PADI2: variants seen among roughly 807,000 people sequenced by gnomAD.
PADI2 encodes peptidyl arginine deiminase 2.
Under a neutral mutation model 81.1 loss-of-function variants are expected in PADI2, and 70 were observed. That is an observed-to-expected ratio of 0.86 (90% CI 0.71 to 1.05). The LOEUF (loss-of-function observed/expected upper bound fraction) is 1.05. Among genes scored for constraint, PADI2 ranks in the 50% least tolerant of loss-of-function variants. The probability of loss-of-function intolerance (pLI) is 0.00; values close to 1 mark genes in which losing one functional copy is unlikely to be tolerated. For synonymous variants in PADI2, 338 were observed against 358.0 expected (o/e 0.94, Z 0.63); for missense variants, 853 against 889.9 (o/e 0.96, Z 0.53).
At chr1:17,086,795 G>T (rs1307761258) in intron 6 of PADI2, 96 bp from the exon 7 acceptor site, 6 of 1,008,942 alleles carry the variant, frequency 5.9e-6, no homozygotes, top group Non-Finnish European at 9.0e-6. Flanking sequence ...AAAGTAACTT[G>T]TCCTCTAGAC....
intron 9 of PADI2, 28 bp from the exon 10 acceptor site, chr1:17,082,680 G>C (rs1449507221): frequency 7.2e-7 from 1 of 1,385,066 alleles, no homozygotes; most frequent in East Asian, 2.3e-5. Flanking sequence ...AGAACTGTTA[G>C]ACGAATCCAG....
chr1:17,091,503 C>T (rs917159357), intron 6 of PADI2, among the ~76,000 whole-genome samples: 1 of 152,126 alleles, frequency 6.6e-6, no homozygotes, highest in African/African-American at 2.4e-5. Flanking sequence ...GCCGAGCTGA[C>T]TGACCTTGAC....
Position 17,071,455 on chromosome 1 carries a change from T to C in PADI2, c.1586A>G (p.Asn529Ser). ...GGMSSKRITINKILSNESLVQ... is the reference protein window; with the variant it reads ...GGMSSKRITISKILSNESLVQ... ...AAGGCTCTCGTTGGACAGAATCTTG[T>C]TGATGGTGATTCGCTTGCTGCTCAT... Residue 529 changes from asparagine to serine, a missense_variant, in exon 14 of 16, where the codon AAC (asparagine) becomes AGC (serine). Coordinates refer to ENST00000375486, the MANE Select transcript of PADI2 (RefSeq NM_007365.3). The C allele has an allele frequency of 1.2e-6, 2 of 1,614,168 alleles. No homozygotes were observed. Among genetic ancestry groups the C allele is most frequent in the Non-Finnish European group, 1.7e-6 (2 of 1,179,982 alleles).
At chr1:17,092,201 G>A (rs1930721130) in intron 6 of PADI2, among the ~76,000 whole-genome samples, 2 of 152,092 alleles carry the variant, frequency 1.3e-5, no homozygotes, top group Admixed American at 1.3e-4. Flanking sequence ...ATAGACCCAT[G>A]TCACTCCAGA....
At chr1:17,107,981 C>T (rs1365973789) in intron 1 of PADI2, among the ~76,000 whole-genome samples, 4 of 149,020 alleles carry the variant, frequency 2.7e-5, no homozygotes, top group Non-Finnish European at 3.0e-5. Context: ...AGGAGTCTCT[C>T]TCTGTCACTC....
In PADI2 at chr1:17,082,620, G is replaced by A; in HGVS notation, c.1083C>T (p.Pro361=). The A allele has an allele frequency of 6.2e-7, 1 of 1,610,722 alleles. No individual in the cohort carries two copies. The highest frequency in any genetic ancestry group is 8.5e-7 in the Non-Finnish European group (1 of 1,178,708). Residue 361 remains proline (P), a synonymous_variant, in exon 10 of 16, where the codon CCC becomes CCT. Coordinates refer to ENST00000375486, the MANE Select transcript of PADI2 (RefSeq NM_007365.3). ...DEIEFGYIEA[P]HKGFPVVLDS... is the part of the protein sequence containing the mutation. Reference sequence around the variant, plus strand: ...CCAGCACCACGGGGAAGCCTTTATGGGGGGCCTCGATGTAGCCAAACTCAA... The same window carrying A: ...CCAGCACCACGGGGAAGCCTTTATGAGGGGCCTCGATGTAGCCAAACTCAA...
At position 17,075,722 on chromosome 1, in the gene PADI2, T is replaced by G; in HGVS notation, c.1412A>C (p.His471Pro). The G allele has an allele frequency of 6.2e-7, 1 of 1,614,076 alleles. No homozygotes were observed. ...ELYSDWLTVG[H>P]VDEFMSFVPI... ...GACAAAGGACATGAACTCATCCACGTGGCCCACAGTCAGCCAGTCTGAGTA... is the reference window on the plus strand; with the variant it reads ...GACAAAGGACATGAACTCATCCACGGGGCCCACAGTCAGCCAGTCTGAGTA... Residue 471 changes from histidine (H) to proline (P), a missense_variant, in exon 12 of 16, where the codon CAC (histidine) becomes CCC (proline). Physicochemically the swap from His to Pro is moderately conservative, Grantham distance 77. Coordinates refer to ENST00000375486, the MANE Select transcript of PADI2 (RefSeq NM_007365.3).
Position 17,104,991 on chromosome 1 carries a change from C to T in PADI2, c.163G>A (p.Asp55Asn). 1 of 1,610,302 alleles carries T rather than the reference C, an allele frequency of 6.2e-7. No individual in the cohort carries two copies. Among genetic ancestry groups the T allele is most frequent in the East Asian group, 2.2e-5 (1 of 44,702 alleles). ...SEHVWVEVVR[D>N]GEAEEVATNG... is the part of the protein sequence containing the mutation. ...GTGGCCACCTCCTCAGCCTCCCCAT[C>T]ACGCACCACCTCCACCCACACGTGT... is the stretch of plus-strand genomic sequence containing the variant. Residue 55 changes from aspartate (D) to asparagine (N), a missense_variant, in exon 2 of 16, where the codon GAT becomes AAT. Transcript: ENST00000375486.
intron 4 of PADI2, among the ~76,000 whole-genome samples, chr1:17,095,308 C>A (rs149668105): frequency 3.9e-5 from 6 of 152,190 alleles, no homozygotes; most frequent in Non-Finnish European, 5.9e-5. Flanking sequence ...CCAACCACAC[C>A]ACATGCCTCC....
chr1:17,089,954 C>T (rs1183700719), intron 6 of PADI2, among the ~76,000 whole-genome samples: 1 of 152,138 alleles, frequency 6.6e-6, no homozygotes, highest in Non-Finnish European at 1.5e-5. Context: ...GATTTGGTTT[C>T]CCTAGGACTG....
At position 17,095,811 on chromosome 1, in the gene PADI2, G is replaced by A. The variant is rs533745382; in HGVS notation, c.411+98C>T. ...GTCTGGGAGCCTGTCTTGGGCTTTA[G>A]TCTCCTGAGCTGTGAAATGGGAATT... On this transcript the variant is annotated intron_variant, in intron 4 of 15. Coordinates refer to ENST00000375486, the MANE Select transcript of PADI2 (RefSeq NM_007365.3). The A allele has an allele frequency of 1.1e-5, 10 of 909,490 alleles. No individual in the cohort carries two copies. The East Asian group carries it at 1.3e-4, about 12-fold the overall frequency. The allele number at this position is 909,490 out of a possible 1,614,324, so 56.3% of individuals were successfully genotyped here.
intron 6 of PADI2, among the ~76,000 whole-genome samples, chr1:17,090,599 G>GTGTGTGTGTGTA (rs1477130283): frequency 1.3e-5 from 2 of 151,616 alleles, no homozygotes; most frequent in Non-Finnish European, 2.9e-5. Context: ...GTGTGTGTGT[G>GTGTGTGTGTGTA]TGTGTGTGTG....
intron 10 of PADI2, among the ~76,000 whole-genome samples, chr1:17,082,138 C>A (rs2078349110): frequency 6.6e-6 from 1 of 152,018 alleles, no homozygotes; most frequent in South Asian, 2.1e-4. Flanking sequence ...ACACACGCAC[C>A]AAAAACCATA....
chr1:17,095,873 G>A (rs1455619033), intron 4 of PADI2, 36 bp downstream of exon 4: 1 of 1,567,126 alleles, frequency 6.4e-7, no homozygotes, highest in Non-Finnish European at 8.7e-7. Flanking sequence ...CGGAAGCCCT[G>A]GGTTCAGGGT....
intron 6 of PADI2, among the ~76,000 whole-genome samples, chr1:17,087,847 A>G (rs1930527636): frequency 6.6e-6 from 1 of 152,232 alleles, no homozygotes; most frequent in Admixed American, 6.5e-5. Context: ...GTGCGAGGGT[A>G]GAGACAGGCC....
rs754720206 is a variant in PADI2, at chr1:17,069,176, C to T, written c.1866G>A (p.Leu622=). ...AGGTGCATTCGAGGCCCAGGGGCTCCAGGAGGCCACGCACGTGCATCTCCA... is the reference window on the plus strand; with the variant it reads ...AGGTGCATTCGAGGCCCAGGGGCTCTAGGAGGCCACGCACGTGCATCTCCA... ...CCLEMHVRGL[L]EPLGLECTFI... The change falls in exon 16 of 16, where the codon CTG becomes CTA. Residue 622 remains leucine, a synonymous_variant. Coordinates refer to ENST00000375486, the MANE Select transcript of PADI2 (RefSeq NM_007365.3). The T allele has an allele frequency of 2.0e-5, 33 of 1,614,230 alleles. 2 individuals are homozygous for T. The South Asian group carries it at 3.6e-4, about 18-fold the overall frequency.
At position 17,068,785 on chromosome 1, in the gene PADI2, C is replaced by T. The variant is rs1236285605; in HGVS notation, c.*259G>A. The T allele has an allele frequency of 7.6e-6, 4 of 529,562 alleles. No individual in the cohort carries two copies. The highest frequency in any genetic ancestry group is 1.4e-5 in the Non-Finnish European group (4 of 294,170). 32.8% of individuals were successfully genotyped at this position (529,562 alleles called of 1,614,324 possible). On this transcript the variant is annotated 3_prime_UTR_variant, in exon 16 of 16. Transcript: ENST00000375486. ...ATGGTTTGCTGTGTTTTGTTGTGTTCTGTTCCTTATGTCAGGGCTACAGAG... is the reference window on the plus strand; with the variant it reads ...ATGGTTTGCTGTGTTTTGTTGTGTTTTGTTCCTTATGTCAGGGCTACAGAG...
chr1:17,078,169 T>C (rs553939781), intron 11 of PADI2, among the ~76,000 whole-genome samples: 99 of 151,954 alleles, frequency 6.5e-4, no homozygotes, highest in African/African-American at 2.4e-3. Flanking sequence ...TGGAGTGCAA[T>C]GGCGCGATCT....
At position 17,104,729 on chromosome 1, in the gene PADI2, G is replaced by A. The variant is rs553181825; in HGVS notation, c.276+149C>T. 1.5e-3 allele frequency: 905 copies of A among 601,260 alleles called. 9 individuals carry two copies. The South Asian group carries it at 0.019, about 13-fold the overall frequency. 37.2% of individuals were successfully genotyped at this position (601,260 alleles called of 1,614,324 possible). A position where few individuals can be genotyped will look rare whatever the true frequency, so the allele number is the denominator to read the frequency against. ...ATTACAGGCTTGAGCTACTGCGCCC[G>A]GCCTCTTTTTGCCTTTTCAATGTGG... On this transcript the variant is annotated intron_variant, in intron 2 of 15. Coordinates refer to ENST00000375486, the MANE Select transcript of PADI2 (RefSeq NM_007365.3).
Sources: allele counts gnomAD v4.1 joint callset (sites outside exome capture counted in the v4.1 genomes callset), GRCh38; gene constraint gnomAD v4.1.1; transcripts MANE v1.5; gene names NCBI Gene and HGNC (gene_info 2026-07-23, HGNC 2026-07-21).